POFUT4: variants seen among roughly 807,000 people sequenced by gnomAD.
The protein encoded by POFUT4 is protein O-fucosyltransferase 4.
the POFUT4 span, among the ~76,000 whole-genome samples, chr10:73,777,311 A>C: frequency 9.1e-5 from 13 of 142,352 alleles, no homozygotes; most frequent in East Asian, 4.0e-4. Flanking sequence ...GTAGGTTGAC[A>C]AAAAAAAAAA....
the POFUT4 span, among the ~76,000 whole-genome samples, chr10:73,776,966 A>G: frequency 1.3e-5 from 2 of 152,184 alleles, no homozygotes; most frequent in Non-Finnish European, 2.9e-5. Context: ...GGTGTCAGCC[A>G]CCGCACCCGG....
chr10:73,772,608 A>G, the POFUT4 span: 1 of 1,565,580 alleles, frequency 6.4e-7, no homozygotes, highest in Non-Finnish European at 8.7e-7. Context: ...TTCCCGGGAG[A>G]CTCGGAGCGC....
the POFUT4 span, chr10:73,772,534 A>G: frequency 6.4e-7 from 1 of 1,568,448 alleles, no homozygotes; most frequent in Admixed American, 1.8e-5. Context: ...CGCCGCGGCC[A>G]GGGAGGGAGG....
the POFUT4 span, among the ~76,000 whole-genome samples, chr10:73,776,791 T>G: frequency 2.0e-5 from 3 of 151,994 alleles, no homozygotes; most frequent in African/African-American, 7.2e-5. Flanking sequence ...GCGATTCTCC[T>G]GCCTCAGCCT....
the POFUT4 span, chr10:73,772,740 G>T: frequency 2.5e-6 from 4 of 1,598,284 alleles, no homozygotes; most frequent in South Asian, 2.2e-5. Context: ...CCGCTGCCGC[G>T]CCTGGCGCAC....
At chr10:73,775,720 AAGG>A in the POFUT4 span, 39 of 1,609,916 alleles carry the variant, frequency 2.4e-5, no homozygotes, top group African/African-American at 5.3e-5. Flanking sequence ...TGGCGGAGCT[AAGG>A]AGATCTTATT....
chr10:73,772,709 G>A, the POFUT4 span: 1 of 1,583,856 alleles, frequency 6.3e-7, no homozygotes, highest in Non-Finnish European at 8.6e-7. Flanking sequence ...CTACGGCACA[G>A]ACTTCCGCGC....
chr10:73,775,793 T>C, the POFUT4 span: 1 of 1,171,392 alleles, frequency 8.5e-7, no homozygotes, highest in Non-Finnish European at 1.2e-6. Flanking sequence ...TGTCTTTTCA[T>C]GGATTCAAGG....
chr10:73,775,816 A>G, the POFUT4 span: 2 of 962,714 alleles, frequency 2.1e-6, no homozygotes, highest in Non-Finnish European at 3.1e-6. Flanking sequence ...TTCCAGTTTT[A>G]TCTATTAAGA....
chr10:73,772,611 C>T, the POFUT4 span: 2 of 1,563,776 alleles, frequency 1.3e-6, no homozygotes, highest in South Asian at 1.2e-5. Flanking sequence ...CCGGGAGACT[C>T]GGAGCGCATC....
chr10:73,772,478 C>T, the POFUT4 span: 3 of 1,549,772 alleles, frequency 1.9e-6, no homozygotes, highest in Non-Finnish European at 2.6e-6. Flanking sequence ...GGTTTTCCGG[C>T]CGCCCTCGGC....
At chr10:73,777,605 A>C in the POFUT4 span, among the ~76,000 whole-genome samples, 1 of 149,020 alleles carries the variant, frequency 6.7e-6, no homozygotes, top group East Asian at 2.0e-4. Flanking sequence ...CCCAGGCTGG[A>C]GTGCAGTGGC....
chr10:73,775,741 G>A, the POFUT4 span: 17 of 1,574,448 alleles, frequency 1.1e-5, no homozygotes, highest in African/African-American at 2.2e-4. Context: ...ATTCTACCAT[G>A]GGACATAAGG....
the POFUT4 span, chr10:73,772,427 G>A: frequency 1.9e-6 from 3 of 1,569,814 alleles, no homozygotes; most frequent in East Asian, 7.1e-5. Context: ...GGAGAGGGAG[G>A]CCGGCGGGGA....
chr10:73,775,472 A>G, the POFUT4 span: 1 of 1,614,008 alleles, frequency 6.2e-7, no homozygotes. Flanking sequence ...CTTTGGCCCC[A>G]CTCGGAAAAA....
chr10:73,773,395 ACC>A, the POFUT4 span: 1 of 1,595,112 alleles, frequency 6.3e-7, no homozygotes, highest in Non-Finnish European at 8.6e-7. Context: ...GTGCCCGTGT[ACC>A]GCGGTTCTCC....
chr10:73,772,428 C>G, the POFUT4 span: 7 of 1,568,662 alleles, frequency 4.5e-6, no homozygotes, highest in Admixed American at 9.2e-5. Flanking sequence ...GAGAGGGAGG[C>G]CGGCGGGGAG....
At chr10:73,774,745 G>A in the POFUT4 span, 1 of 153,644 alleles carries the variant, frequency 6.5e-6, no homozygotes, top group Non-Finnish European at 1.4e-5. Context: ...CAGAAGGGAA[G>A]CGAATAGGCT....
At chr10:73,773,196 T>G in the POFUT4 span, 7 of 1,609,336 alleles carry the variant, frequency 4.3e-6, no homozygotes, top group Admixed American at 1.0e-4. Flanking sequence ...CTAGGTAGAC[T>G]CCTACGGGAA....
Sources: allele counts gnomAD v4.1 joint callset (sites outside exome capture counted in the v4.1 genomes callset), GRCh38; gene constraint gnomAD v4.1.1; transcripts MANE v1.5; gene names NCBI Gene and HGNC (gene_info 2026-07-23, HGNC 2026-07-21).